Variants in STARD13 observed in about 807,000 individuals in gnomAD.
STARD13 encodes the protein StAR related lipid transfer domain containing 13, also known as stAR-related lipid transfer protein 13.
Under a neutral mutation model 106.4 loss-of-function variants are expected in STARD13, and 62 were observed. The ratio of observed to expected loss-of-function variants is 0.58; its 90% CI spans 0.48 to 0.72. The LOEUF is 0.72. Ranked by LOEUF, STARD13 falls within the 30% of genes least tolerant of loss-of-function variation. The pLI, the probability that STARD13 is intolerant of heterozygous loss-of-function variation, is 0.00. For synonymous variants in STARD13, 565 were observed against 553.0 expected, an observed-to-expected ratio of 1.02 and a Z score of -0.31; for missense variants, 1,387 against 1,424.0, an observed-to-expected ratio of 0.97 and a Z score of 0.42.
intron 1 of STARD13, among the ~76,000 whole-genome samples, chr13:33,301,806 G>A (rs933939566): frequency 6.6e-6 from 1 of 151,928 alleles, no homozygotes; most frequent in African/African-American, 2.4e-5. Context: ...CTAACCTCGT[G>A]ATCCACCCGC....
chr13:33,496,127 T>C, the STARD13 span, among the ~76,000 whole-genome samples: 1 of 137,466 alleles, frequency 7.3e-6, no homozygotes, highest in Non-Finnish European at 1.6e-5. Context: ...ATTTTTATAA[T>C]ATATTTATAA....
chr13:33,111,959 TC>T (rs2138073587), intron 9 of STARD13, 67 bp from the exon 10 acceptor site: 1 of 1,005,926 alleles, frequency 9.9e-7, no homozygotes, highest in East Asian at 2.4e-5. Flanking sequence ...ACCAAACTCA[TC>T]CCTTTTGTTT....
At chr13:33,246,164 TTGTC>T (rs1395657086) in intron 1 of STARD13, among the ~76,000 whole-genome samples, 12 of 152,186 alleles carry the variant, frequency 7.9e-5, no homozygotes, top group Non-Finnish European at 1.5e-4. Context: ...CATAAATGCT[TTGTC>T]TGTCTCTTGA....
the STARD13 span, among the ~76,000 whole-genome samples, chr13:33,511,140 C>G: frequency 2.0e-5 from 3 of 152,016 alleles, no homozygotes; most frequent in African/African-American, 7.2e-5. Context: ...GGCAAAACTC[C>G]TTCTCTACTC....
intron 1 of STARD13, among the ~76,000 whole-genome samples, chr13:33,215,788 G>A (rs1594118167): frequency 6.6e-6 from 1 of 152,164 alleles, no homozygotes; most frequent in East Asian, 1.9e-4. Context: ...TATCAGAATG[G>A]AAGAAAATCT....
chr13:33,662,217 A>C, the STARD13 span, among the ~76,000 whole-genome samples: 1 of 151,480 alleles, frequency 6.6e-6, no homozygotes, highest in Non-Finnish European at 1.5e-5. Flanking sequence ...AGCCGAGATC[A>C]TGCCACTGTA....
chr13:33,298,921 C>T (rs1310548691), intron 1 of STARD13, among the ~76,000 whole-genome samples: 1 of 152,178 alleles, frequency 6.6e-6, no homozygotes, highest in African/African-American at 2.4e-5. Flanking sequence ...CATAGAATAG[C>T]CTTACAATAT....
chr13:33,491,349 A>G, the STARD13 span, among the ~76,000 whole-genome samples: 1 of 152,268 alleles, frequency 6.6e-6, no homozygotes, highest in Admixed American at 6.5e-5. Context: ...TGATTGTCTA[A>G]GATCAGAGCA....
chr13:33,127,967 G>A (rs1877488409), intron 5 of STARD13, among the ~76,000 whole-genome samples: 1 of 151,008 alleles, frequency 6.6e-6, no homozygotes, highest in African/African-American at 2.4e-5. Flanking sequence ...ATAGACAGAA[G>A]CAGAGAGAGC....
intron 1 of STARD13, among the ~76,000 whole-genome samples, chr13:33,278,032 G>A (rs1056778129): frequency 6.6e-6 from 1 of 152,118 alleles, no homozygotes; most frequent in Admixed American, 6.6e-5. Context: ...TATATTCAGA[G>A]AGAATTATCT....
At chr13:33,557,203 C>A in the STARD13 span, among the ~76,000 whole-genome samples, 2 of 151,996 alleles carry the variant, frequency 1.3e-5, no homozygotes, top group Non-Finnish European at 2.9e-5. Flanking sequence ...TCTAGTCCCT[C>A]TTCCTTCTCT....
chr13:33,257,336 G>A (rs1420909343), intron 1 of STARD13, among the ~76,000 whole-genome samples: 1 of 152,174 alleles, frequency 6.6e-6, no homozygotes, highest in Admixed American at 6.5e-5. Context: ...TGAGATACCA[G>A]TGAGGTCAAG....
the STARD13 span, chr13:33,658,153 C>T: frequency 5.9e-5 from 9 of 152,564 alleles, no homozygotes; most frequent in African/African-American, 2.2e-4. Context: ...TAAATGAAAT[C>T]CTACAATTTT....
At chr13:33,326,692 C>G (rs2077779158) in intron 1 of STARD13, among the ~76,000 whole-genome samples, 2 of 152,156 alleles carry the variant, frequency 1.3e-5, no homozygotes, top group South Asian at 4.1e-4. Context: ...TGAAAAACAC[C>G]TCAAAGTGAT....
chr13:33,129,182 C>T lies in STARD13; in HGVS notation c.1495G>A (p.Val499Ile). The change falls in exon 5 of 14, where the codon GTA becomes ATA. Residue 499 changes from valine (V) to isoleucine (I), a missense_variant. Transcript: ENST00000336934. Reference sequence around the variant, plus strand: ...ACATCTTTGGACCAGTCATCGACTACCTCTTGGAGCCCATTGACATGCTGC... The same window carrying T: ...ACATCTTTGGACCAGTCATCGACTATCTCTTGGAGCCCATTGACATGCTGC... ...ILQHVNGLQE[V>I]VDDWSKDVLP... is the part of the protein sequence containing the mutation. 6.2e-7 allele frequency: 1 copy of T among 1,614,210 alleles called. No individual in the cohort carries two copies. The highest frequency in any genetic ancestry group is 8.5e-7 in the Non-Finnish European group (1 of 1,180,040).
chr13:33,431,666 C>T, the STARD13 span, among the ~76,000 whole-genome samples: 55 of 152,230 alleles, frequency 3.6e-4, 1 homozygote, highest in South Asian at 7.0e-3. Context: ...AGTTAATAGA[C>T]GTGCAAAATT....
the STARD13 span, among the ~76,000 whole-genome samples, chr13:33,433,463 A>G: frequency 6.6e-6 from 1 of 152,192 alleles, no homozygotes; most frequent in African/African-American, 2.4e-5. Context: ...GTTTTAAAAC[A>G]CAAGAAAGAA....
At chr13:33,484,357 A>G in the STARD13 span, among the ~76,000 whole-genome samples, 4 of 152,336 alleles carry the variant, frequency 2.6e-5, no homozygotes, top group East Asian at 5.8e-4. Context: ...CATGATTTGT[A>G]ACTTCCCCAA....
At chr13:33,249,658 T>C (rs1164399153) in intron 1 of STARD13, among the ~76,000 whole-genome samples, 1 of 152,242 alleles carries the variant, frequency 6.6e-6, no homozygotes, top group African/African-American at 2.4e-5. Flanking sequence ...CTGTATCAAT[T>C]AATACAGGTA....
Sources: allele counts gnomAD v4.1 joint callset (sites outside exome capture counted in the v4.1 genomes callset), GRCh38; gene constraint gnomAD v4.1.1; transcripts MANE v1.5; gene names NCBI Gene and HGNC (gene_info 2026-07-23, HGNC 2026-07-21).